SLC5A10: variants seen among roughly 807,000 people sequenced by gnomAD.
SLC5A10 encodes sodium/mannose cotransporter SLC5A10.
In SLC5A10, 55 loss-of-function variants were observed where a neutral mutation model predicts 68.9. That is an observed-to-expected ratio of 0.80 (90% confidence interval 0.64 to 1.00). SLC5A10 has a LOEUF of 1.00. Among genes scored for constraint, SLC5A10 ranks in the 50% least tolerant of loss-of-function variants. SLC5A10 has a pLI of 0.00. For synonymous variants in SLC5A10, 344 were observed against 344.8 expected, an observed-to-expected ratio of 1.00 and a Z score of 0.02; for missense variants, 732 against 819.3, an observed-to-expected ratio of 0.89 and a Z score of 1.30.
At position 19,005,647 on chromosome 17, in the gene SLC5A10, A is replaced by ACCC. The variant is rs141784762; in HGVS notation, c.983-7756_983-7754dup. Among the ~76,000 whole-genome samples the ACCC allele has an allele frequency of 8.9e-3, 1,215 of 136,794 alleles. 11 individuals are homozygous for ACCC. The highest frequency in any genetic ancestry group is 0.031 in the African/African-American group (1,107 of 35,960). The allele number at this position is 136,794 out of a possible 152,430, so 89.7% of individuals were successfully genotyped here. On this transcript the variant is annotated intron_variant, in intron 9 of 14. Coordinates refer to ENST00000395645, the MANE Select transcript of SLC5A10 (RefSeq NM_001042450.4). ...ACATCTCTAGGCCTTGTGCCCTCAA[A>ACCC]CCCCCCCCCTCCAAGGCCTTCTCCA...
In SLC5A10 at chr17:19,008,813, AT is replaced by A. The variant is rs1207007118; in HGVS notation, c.983-4580del. Reference sequence around the variant, plus strand: ...CGTGCCTGGCATTATTATTATTATTATTTTTTTTTTTTTTTTTGAGATAGCG... The same window carrying A: ...CGTGCCTGGCATTATTATTATTATTATTTTTTTTTTTTTTTTGAGATAGCG... On this transcript the variant is annotated intron_variant, in intron 9 of 14. Transcript: ENST00000395645. 5.3e-3 allele frequency among the ~76,000 whole-genome samples: 775 copies of A among 146,028 alleles called. 5 individuals carry two copies. Among genetic ancestry groups the A allele is most frequent in the South Asian group, 0.018 (84 of 4,648 alleles).
At chr17:18,960,454 GC>G in intron 4 of SLC5A10, 93 bp from the exon 5 acceptor site, 1 of 1,043,510 alleles carries the variant, frequency 9.6e-7, no homozygotes, top group African/African-American at 1.6e-5. Flanking sequence ...CTGCTTTGTG[GC>G]GGGGGGAGAG....
At chr17:18,994,327 C>A (rs565423229) in intron 9 of SLC5A10, among the ~76,000 whole-genome samples, 13 of 152,302 alleles carry the variant, frequency 8.5e-5, no homozygotes, top group African/African-American at 3.1e-4. Flanking sequence ...CAGGCTGCAG[C>A]ACAGGGAGGG....
At chr17:18,999,613 C>A (rs992890809) in intron 9 of SLC5A10, among the ~76,000 whole-genome samples, 7 of 152,226 alleles carry the variant, frequency 4.6e-5, no homozygotes, top group African/African-American at 1.7e-4. Flanking sequence ...TGGCGCGGGG[C>A]TGGCATTTAG....
intron 11 of SLC5A10, 142 bp from the exon 12 acceptor site, chr17:19,019,281 G>T (rs1050271870): frequency 1.0e-6 from 1 of 1,003,248 alleles, no homozygotes; most frequent in South Asian, 1.7e-5. Flanking sequence ...GTCACTGGTG[G>T]TGTGGACCAG....
At chr17:18,977,045 C>A in intron 9 of SLC5A10, 56 bp downstream of exon 9, 1 of 1,596,990 alleles carries the variant, frequency 6.3e-7, no homozygotes, top group Non-Finnish European at 8.5e-7. Flanking sequence ...GGTTCTGGGA[C>A]CTTGTCCTGC....
intron 11 of SLC5A10, among the ~76,000 whole-genome samples, chr17:19,016,360 T>C (rs558953001): frequency 1.3e-5 from 2 of 152,260 alleles, no homozygotes; most frequent in South Asian, 4.1e-4. Flanking sequence ...CTTATGCCTT[T>C]ACATCCTCAG....
rs2044187560 is a variant in SLC5A10, at chr17:19,018,548, G to C, written c.1242-875G>C. Reference sequence around the variant, plus strand: ...TCGCCGAGTTGGGGATCCTAGGGTAGTGTCCTACGCAGGTGAGCACCTCAC... The same window carrying C: ...TCGCCGAGTTGGGGATCCTAGGGTACTGTCCTACGCAGGTGAGCACCTCAC... On this transcript the variant is annotated intron_variant, in intron 11 of 14. Coordinates refer to ENST00000395645, the MANE Select transcript of SLC5A10 (RefSeq NM_001042450.4). This position sits in a 1 kb window ranked among gnomAD's most constrained non-coding sequence, Gnocchi z 4.2. 1 of 152,358 alleles carries C rather than the reference G, an allele frequency of 6.6e-6. No homozygotes were observed. Among genetic ancestry groups the C allele is most frequent in the African/African-American group, 2.4e-5 (1 of 41,468 alleles). 9.4% of individuals were successfully genotyped at this position (152,358 alleles called of 1,614,324 possible). A position where few individuals can be genotyped will look rare whatever the true frequency, so the allele number is the denominator to read the frequency against.
chr17:18,984,753 C>T (rs1388594559), intron 9 of SLC5A10, among the ~76,000 whole-genome samples: 1 of 152,254 alleles, frequency 6.6e-6, no homozygotes. Context: ...GTATCACCCC[C>T]AAAAGCAGCC....
intron 9 of SLC5A10, among the ~76,000 whole-genome samples, chr17:18,985,656 C>T (rs1349603023): frequency 2.0e-5 from 3 of 152,212 alleles, no homozygotes; most frequent in African/African-American, 7.2e-5. Context: ...GGCCACCCGC[C>T]CAGGGCTGTA....
At chr17:18,987,112 C>T (rs1255151928) in intron 9 of SLC5A10, among the ~76,000 whole-genome samples, 1 of 152,238 alleles carries the variant, frequency 6.6e-6, no homozygotes, top group Non-Finnish European at 1.5e-5. Context: ...TGACAAATTA[C>T]AGGCGTGGAG....
At chr17:18,984,109 G>A (rs187542399) in intron 9 of SLC5A10, among the ~76,000 whole-genome samples, 8 of 152,118 alleles carry the variant, frequency 5.3e-5, no homozygotes, top group Non-Finnish European at 1.0e-4. Flanking sequence ...TTGGGAGGCC[G>A]AGGCGGGCGG....
chr17:18,974,470 T>C (rs942735287), intron 8 of SLC5A10, among the ~76,000 whole-genome samples: 1 of 152,250 alleles, frequency 6.6e-6, no homozygotes, highest in African/African-American at 2.4e-5. Context: ...GGTGTCCCTG[T>C]CTGTGAAACA....
In SLC5A10 at chr17:18,971,846, G is replaced by T; in HGVS notation, c.846+628G>T. 7.3e-7 allele frequency: 1 copy of T among 1,368,636 alleles called. No homozygotes were observed. Among genetic ancestry groups the T allele is most frequent in the Non-Finnish European group, 9.8e-7 (1 of 1,020,910 alleles). The allele number at this position is 1,368,636 out of a possible 1,614,324, so 84.8% of individuals were successfully genotyped here. On this transcript the variant is annotated intron_variant, in intron 8 of 14. Coordinates refer to ENST00000395645, the MANE Select transcript of SLC5A10 (RefSeq NM_001042450.4). This position sits in a 1 kb window ranked among gnomAD's most constrained non-coding sequence, Gnocchi z 5.5. ...GGCACACAGGAGCCGGCAGGCCCGGGTTCGCCTCCTGGCTCTGCCATTCAC... is the reference window on the plus strand; with the variant it reads ...GGCACACAGGAGCCGGCAGGCCCGGTTTCGCCTCCTGGCTCTGCCATTCAC...
intron 1 of SLC5A10, chr17:18,953,796 T>A (rs956931242): frequency 1.3e-5 from 2 of 152,698 alleles, no homozygotes; most frequent in Admixed American, 1.3e-4. Flanking sequence ...CATTGGAGCA[T>A]CTCAGATTTT....
intron 9 of SLC5A10, among the ~76,000 whole-genome samples, chr17:18,995,290 T>C (rs1329370849): frequency 6.6e-6 from 1 of 152,238 alleles, no homozygotes; most frequent in Non-Finnish European, 1.5e-5. Flanking sequence ...GTGGAAGCTT[T>C]TTTTTAGCCA....
Position 18,952,227 on chromosome 17 carries a change from G to A in SLC5A10, c.22G>A (p.Asp8Asn), listed in dbSNP as rs1477051831. ...AGCCATGGCCGCCAACTCCACCAGCGACCTCCACACTCCCGGGACGCAGCT... is the reference window on the plus strand; with the variant it reads ...AGCCATGGCCGCCAACTCCACCAGCAACCTCCACACTCCCGGGACGCAGCT... MAANSTSDLHTPGTQLSV... is the reference protein window; with the variant it reads MAANSTSNLHTPGTQLSV... Residue 8 changes from aspartate (D) to asparagine (N), a missense_variant, in exon 1 of 15, where the codon GAC becomes AAC. Coordinates refer to ENST00000395645, the MANE Select transcript of SLC5A10 (RefSeq NM_001042450.4). 6.2e-7 allele frequency: 1 copy of A among 1,613,528 alleles called. No individual in the cohort carries two copies. The highest frequency in any genetic ancestry group is 8.5e-7 in the Non-Finnish European group (1 of 1,179,792).
intron 1 of SLC5A10, among the ~76,000 whole-genome samples, chr17:18,953,205 G>A (rs569129553): frequency 5.4e-5 from 8 of 148,518 alleles, no homozygotes; most frequent in Non-Finnish European, 1.2e-4. Flanking sequence ...GCACTATCTC[G>A]GCTCACTGCA....
chr17:18,985,100 G>A (rs558891940), intron 9 of SLC5A10, among the ~76,000 whole-genome samples: 1 of 152,198 alleles, frequency 6.6e-6, no homozygotes, highest in South Asian at 2.1e-4. Context: ...AGACCCTGGC[G>A]CAGAGGGAAA....
Sources: gnomAD v4.1 joint callset for allele counts (sites outside exome capture counted in the v4.1 genomes callset) on GRCh38, gnomAD v4.1.1 for gene constraint, Gnocchi (gnomAD v3.1) non-coding constraint, MANE v1.5 for transcripts, NCBI Gene and HGNC (gene_info 2026-07-23, HGNC 2026-07-21) for gene names.